ATRIP: variants seen among roughly 807,000 people sequenced by gnomAD.
The protein encoded by ATRIP is ATR interacting protein, also known as ATR-interacting protein.
A neutral mutation model predicts 78.1 loss-of-function variants in ATRIP; 44 were observed. That is an observed-to-expected ratio of 0.56 (90% confidence interval 0.44 to 0.72). The LOEUF (loss-of-function observed/expected upper bound fraction) is 0.72, where lower values mean the gene tolerates loss of function less well. Ranked by LOEUF, ATRIP falls within the 30% of genes least tolerant of loss-of-function variation. ATRIP has a pLI of 0.00. For synonymous variants in ATRIP, 388 were observed against 408.9 expected (o/e 0.95, Z 0.62); for missense variants, 927 against 980.2 (o/e 0.95, Z 0.72).
chr3:48,448,586 T>A (rs1339397423), intron 1 of ATRIP, among the ~76,000 whole-genome samples: 1 of 152,268 alleles, frequency 6.6e-6, no homozygotes, highest in African/African-American at 2.4e-5. Flanking sequence ...TGGCCCTTTC[T>A]CACTCTCTGG....
Position 48,464,871 on chromosome 3 carries a change from T to G in ATRIP, c.2096T>G (p.Leu699Arg). 2 of 1,613,788 alleles carry G rather than the reference T, an allele frequency of 1.2e-6. No individual in the cohort carries two copies. Among genetic ancestry groups the G allele is most frequent in the Non-Finnish European group, 1.7e-6 (2 of 1,179,866 alleles). Residue 699 changes from leucine to arginine, a missense_variant, in exon 12 of 13, where the codon CTG becomes CGG. Physicochemically the swap from Leu to Arg is moderately radical, Grantham distance 102 (BLOSUM62 -2). Transcript: ENST00000320211. ...ACGGTGATGTTGCACAGACAGTGGC[T>G]GACAGTGCGGAGGGCAGGGGGACCC... ...ALTVMLHRQW[L>R]TVRRAGGPPR...
At chr3:48,464,684 G>T (rs1484492294) in intron 11 of ATRIP, 22 bp downstream of exon 11, 5 of 1,614,016 alleles carry the variant, frequency 3.1e-6, no homozygotes, top group Non-Finnish European at 4.2e-6. Flanking sequence ...GGGGCCAACA[G>T]CTGGCAGCTC....
In ATRIP at chr3:48,450,067, G is replaced by A. The variant is rs2039795748; in HGVS notation, c.278G>A (p.Gly93Asp). Residue 93 changes from glycine to aspartate, a missense_variant, in exon 2 of 13, where the codon GGC (glycine) becomes GAC (aspartate). By Grantham distance (94) the Gly-to-Asp change is moderately conservative. Transcript: ENST00000320211. ...CATAAGGTCCACAGATTATTAGATG[G>A]CATGTCAAAAAATCCTTCAGGGAAA... ...SDHKVHRLLDGMSKNPSGKNR... is the reference protein window; with the variant it reads ...SDHKVHRLLDDMSKNPSGKNR... 1.9e-6 allele frequency: 3 copies of A among 1,613,534 alleles called. No individual in the cohort carries two copies. The highest frequency in any genetic ancestry group is 1.7e-6 in the Non-Finnish European group (2 of 1,179,812).
intron 4 of ATRIP, among the ~76,000 whole-genome samples, chr3:48,455,385 A>G (rs2107208997): frequency 1.3e-5 from 2 of 152,364 alleles, no homozygotes; most frequent in South Asian, 4.1e-4. Context: ...TACCATAAAG[A>G]CATTGGCACT....
In ATRIP at chr3:48,466,859, C is replaced by G. The variant is rs1170424886; in HGVS notation, c.*1305C>G. The G allele has an allele frequency of 6.2e-7, 1 of 1,613,800 alleles. No homozygotes were observed. Among genetic ancestry groups the G allele is most frequent in the Admixed American group, 1.7e-5 (1 of 60,026 alleles). ...CACCGCGTGTGGTAGACAAGCTCTC[C>G]CTGTGTGTGGCTCCGGGGAAGGCCT... On this transcript the variant is annotated 3_prime_UTR_variant, in exon 13 of 13. Coordinates refer to ENST00000320211, the MANE Select transcript of ATRIP (RefSeq NM_130384.3).
At chr3:48,450,521 A>G (rs2039807558) in intron 2 of ATRIP, 2 of 1,290,672 alleles carry the variant, frequency 1.5e-6, no homozygotes, top group Non-Finnish European at 2.0e-6. Context: ...ACTTCATATC[A>G]CCATCTGTAG....
chr3:48,452,709 G>C (rs894371056), intron 3 of ATRIP, among the ~76,000 whole-genome samples: 1 of 151,710 alleles, frequency 6.6e-6, no homozygotes, highest in Non-Finnish European at 1.5e-5. Context: ...AAAGACTTAG[G>C]CTCCCTCATC....
chr3:48,464,758 G>A (rs2040223357), intron 11 of ATRIP, 73 bp from the exon 12 acceptor site: 2 of 1,603,090 alleles, frequency 1.2e-6, no homozygotes, highest in Non-Finnish European at 8.5e-7. Context: ...ACGTGAGGTG[G>A]CTAGGCTGAG....
intron 1 of ATRIP, among the ~76,000 whole-genome samples, chr3:48,449,413 C>CAAAAAAA (rs1297709851): frequency 5.7e-4 from 34 of 60,096 alleles, no homozygotes; most frequent in South Asian, 8.0e-4. Context: ...GACTCTGTCT[C>CAAAAAAA]AAAAAAAAAA....
intron 2 of ATRIP, chr3:48,450,712 G>GCTACTCTGGA: frequency 5.1e-6 from 2 of 390,112 alleles, no homozygotes; most frequent in Non-Finnish European, 9.4e-6. Context: ...TTAGCTTCCA[G>GCTACTCTGGA]AGTAGCTGGG....
rs1409699151 is a variant in ATRIP at position 48,458,140 on chromosome 3, C to T, written c.829+724C>T. On this transcript the variant is annotated intron_variant, in intron 5 of 12. Coordinates refer to ENST00000320211, the MANE Select transcript of ATRIP (RefSeq NM_130384.3). ...TCACCCAGGCTGGAGTGCAATGGCACGATCTCAGCTCACTGCAACTTCCGC... is the reference window on the plus strand; with the variant it reads ...TCACCCAGGCTGGAGTGCAATGGCATGATCTCAGCTCACTGCAACTTCCGC... Among the ~76,000 whole-genome samples the T allele has an allele frequency of 6.1e-5, 9 of 147,062 alleles. No homozygotes were observed. In the South Asian group the frequency reaches 8.7e-4, roughly 14 times the overall value.
At chr3:48,450,775 C>T (rs2039815061) in intron 2 of ATRIP, among the ~76,000 whole-genome samples, 3 of 151,838 alleles carry the variant, frequency 2.0e-5, no homozygotes, top group Admixed American at 1.3e-4. Flanking sequence ...TTAGTAGAGA[C>T]GGAGTTTCAC....
At position 48,465,064 on chromosome 3, in the gene ATRIP, T is replaced by A; in HGVS notation, c.2289T>A (p.Pro763=). The change falls in exon 12 of 13, where the codon CCT becomes CCA. Residue 763 remains proline (P), a synonymous_variant. Coordinates refer to ENST00000320211, the MANE Select transcript of ATRIP (RefSeq NM_130384.3). Reference sequence around the variant, plus strand: ...TCAGCATGCTCATCCGAGGGCTTCCTGATGTGACGGACTGTGAAGGTAAGC... The same window carrying A: ...TCAGCATGCTCATCCGAGGGCTTCCAGATGTGACGGACTGTGAAGGTAAGC... ...PGVSMLIRGL[P]DVTDCEEAAL... is the part of the protein sequence containing the mutation. The A allele has an allele frequency of 6.2e-7, 1 of 1,611,890 alleles. No individual in the cohort carries two copies. Among genetic ancestry groups the A allele is most frequent in the Non-Finnish European group, 8.5e-7 (1 of 1,178,472 alleles).
At chr3:48,448,940 C>T (rs953515259) in intron 1 of ATRIP, among the ~76,000 whole-genome samples, 20 of 152,216 alleles carry the variant, frequency 1.3e-4, no homozygotes, top group Admixed American at 1.3e-3. Flanking sequence ...ATTTTGCTCA[C>T]TATTGTACCT....
At position 48,447,025 on chromosome 3, in the gene ATRIP, G is replaced by GT; in HGVS notation, c.180_181insT (p.Glu61Ter). Reference sequence around the variant, plus strand: ...ATGGGGACTTCACTGCCGACGACCTGGAGGAGCTTGACACCCTCGCGTCAC... The same window carrying GT: ...ATGGGGACTTCACTGCCGACGACCTGTGAGGAGCTTGACACCCTCGCGTCAC... On this transcript the variant is annotated frameshift_variant, in exon 1 of 13. Coordinates refer to ENST00000320211, the MANE Select transcript of ATRIP (RefSeq NM_130384.3). LOFTEE classifies it high-confidence loss of function. 6.4e-7 allele frequency: 1 copy of GT among 1,574,288 alleles called. No homozygotes were observed. The highest frequency in any genetic ancestry group is 8.6e-7 in the Non-Finnish European group (1 of 1,162,908).
chr3:48,462,051 G>A (rs1005745015), intron 8 of ATRIP, among the ~76,000 whole-genome samples: 1 of 152,106 alleles, frequency 6.6e-6, no homozygotes. Context: ...TCCCAGGCTG[G>A]GCACAGTGGC....
intron 12 of ATRIP, 26 bp from the exon 13 acceptor site, chr3:48,465,461 C>A (rs1157798022): frequency 6.2e-7 from 1 of 1,611,268 alleles, no homozygotes; most frequent in Non-Finnish European, 8.5e-7. Context: ...TGGGCCCTCA[C>A]CAGGAACCTC....
Position 48,446,787 on chromosome 3 carries a change from G to A in ATRIP, c.-59G>A. On this transcript the variant is annotated 5_prime_UTR_variant, in exon 1 of 13. Coordinates refer to ENST00000320211, the MANE Select transcript of ATRIP (RefSeq NM_130384.3). The stretch of plus-strand genomic sequence containing the variant: ...GCGCGGACGGTTGGTCCAGTTCTCC[G>A]GCCTGGCGGCAGGCAAGTCTAGCTC... 7.4e-7 allele frequency: 1 copy of A among 1,354,878 alleles called. No individual in the cohort carries two copies. The highest frequency in any genetic ancestry group is 1.5e-5 in the African/African-American group (1 of 66,270). 83.9% of individuals were successfully genotyped at this position (1,354,878 alleles called of 1,614,324 possible). A position where few individuals can be genotyped will look rare whatever the true frequency, so the allele number is the denominator to read the frequency against.
rs578154315 is a variant in ATRIP, at chr3:48,466,964, C to A, written c.*1410C>A. On this transcript the variant is annotated 3_prime_UTR_variant, in exon 13 of 13. Transcript: ENST00000320211. ...ATGGGCGTCAATGTTTTGATGACAA[C>A]CTGGCCAACCTGCTCCTAGCCTTCC... The A allele has an allele frequency of 1.2e-6, 2 of 1,612,386 alleles. No individual in the cohort carries two copies. The highest frequency in any genetic ancestry group is 1.1e-5 in the South Asian group (1 of 91,088).
Sources: gnomAD v4.1 joint callset for allele counts (sites outside exome capture counted in the v4.1 genomes callset) on GRCh38, gnomAD v4.1.1 for gene constraint, MANE v1.5 for transcripts, NCBI Gene and HGNC (gene_info 2026-07-23, HGNC 2026-07-21) for gene names.